SLC25A53: variants seen among roughly 807,000 people sequenced by gnomAD.
SLC25A53 encodes the protein mitochondrial carrier triple repeat protein 6.
A neutral mutation model predicts 15.0 loss-of-function variants in SLC25A53; 5 were observed. The observed-to-expected ratio is 0.33, with a 90% CI of 0.17 to 0.70. The LOEUF (loss-of-function observed/expected upper bound fraction) is 0.70. Ranked by LOEUF, SLC25A53 falls within the 30% of genes least tolerant of loss-of-function variation. The pLI is 0.67. For missense variants in SLC25A53, 216 were observed against 241.6 expected, an observed-to-expected ratio of 0.89 and a Z score of 0.70; for synonymous variants, 95 against 100.0, an observed-to-expected ratio of 0.95 and a Z score of 0.30.
intron 1 of SLC25A53, among the ~76,000 whole-genome samples, chrX:104,156,235 A>T (rs1217077364): frequency 1.8e-5 from 2 of 111,107 alleles, no homozygotes; most frequent in African/African-American, 6.6e-5. Context: ...TCACCGCATC[A>T]AAGAGCCGTC....
chrX:104,115,350 C>A (rs782256267), intron 1 of SLC25A53: 52 of 1,114,614 alleles, frequency 4.7e-5, no homozygotes, highest in Non-Finnish European at 5.9e-5. Context: ...TAAATGAGTC[C>A]TTGACTGTAT....
At chrX:104,114,289 A>T (rs2075365005) in intron 1 of SLC25A53, 2 of 1,208,792 alleles carry the variant, frequency 1.7e-6, no homozygotes, top group African/African-American at 3.5e-5. Context: ...GGGGAAAGAA[A>T]CCTTTGAAAA....
intron 1 of SLC25A53, among the ~76,000 whole-genome samples, chrX:104,111,960 A>C (rs1161629875): frequency 2.7e-5 from 3 of 111,724 alleles, no homozygotes; most frequent in African/African-American, 9.8e-5. Context: ...GAGTGCTGGC[A>C]AGGGGCAGCC....
intron 1 of SLC25A53, chrX:104,114,887 C>T (rs2075369690): frequency 8.3e-7 from 1 of 1,202,451 alleles, no homozygotes; most frequent in Non-Finnish European, 1.1e-6. Flanking sequence ...ATCAGCAGTG[C>T]TGACTGTAAC....
At chrX:104,114,160 C>G in intron 1 of SLC25A53, 1 of 1,209,970 alleles carries the variant, frequency 8.3e-7, no homozygotes, top group Non-Finnish European at 1.1e-6. Flanking sequence ...GCAGAATGCA[C>G]CTTTGCCGCC....
intron 1 of SLC25A53, among the ~76,000 whole-genome samples, chrX:104,129,377 A>G (rs2075419266): frequency 9.0e-6 from 1 of 111,514 alleles, no homozygotes; most frequent in South Asian, 3.7e-4. Flanking sequence ...TATCTAACAC[A>G]TGTATTTTCC....
At position 104,102,955 on chromosome X, in the gene SLC25A53, T is replaced by G. The variant is rs1569458589; in HGVS notation, c.*1379A>C. ...GAGTTCGAGACCAGCCTGACCAACATGGAGAGACCCCATCTCTACTAAAAA... is the reference window on the plus strand; with the variant it reads ...GAGTTCGAGACCAGCCTGACCAACAGGGAGAGACCCCATCTCTACTAAAAA... On this transcript the variant is annotated 3_prime_UTR_variant, in exon 2 of 2. Transcript: ENST00000594199. 9.1e-6 allele frequency: 1 copy of G among 109,870 alleles called. No individual in the cohort carries two copies. Among genetic ancestry groups the G allele is most frequent in the Non-Finnish European group, 1.9e-5 (1 of 52,715 alleles). The allele number at this position is 109,870 out of a possible 1,213,427, so 9.1% of individuals were successfully genotyped here.
chrX:104,104,395 G>A lies in SLC25A53; in HGVS notation c.863C>T (p.Thr288Met), dbSNP rs1166172920. Residue 288 changes from threonine (T) to methionine (M), a missense_variant, in exon 2 of 2, where the codon ACG (threonine) becomes ATG (methionine). By Grantham distance (81) the Thr-to-Met change is moderately conservative. Transcript: ENST00000594199. ...CCTCTGCAGGAAGTCATGGATTGCCGTAGTGAGGCCCCATGTCACACTGGA... is the reference window on the plus strand; with the variant it reads ...CCTCTGCAGGAAGTCATGGATTGCCATAGTGAGGCCCCATGTCACACTGGA... ...LRSSVTWGLT[T>M]AIHDFLQRKS... 25 of 1,209,861 alleles carry A rather than the reference G, an allele frequency of 2.1e-5. No individual in the cohort carries two copies. The highest frequency in any genetic ancestry group is 3.5e-5 in the African/African-American group (2 of 57,151).
intron 1 of SLC25A53, among the ~76,000 whole-genome samples, chrX:104,126,698 T>C (rs1381537184): frequency 9.0e-6 from 1 of 111,302 alleles, no homozygotes; most frequent in Non-Finnish European, 1.9e-5. Flanking sequence ...AGCATGAACA[T>C]GAATAGAATT....
intron 1 of SLC25A53, among the ~76,000 whole-genome samples, chrX:104,127,028 T>C (rs1457102531): frequency 1.8e-5 from 2 of 112,386 alleles, no homozygotes; most frequent in African/African-American, 3.2e-5. Flanking sequence ...TGAAAACTTA[T>C]AGTCACACAA....
chrX:104,112,266 G>A (rs1280050516), intron 1 of SLC25A53: 1 of 112,974 alleles, frequency 8.9e-6, no homozygotes, highest in Non-Finnish European at 1.9e-5. Flanking sequence ...GGAGAGCCGA[G>A]GTGTAAGGGG....
chrX:104,139,150 T>C (rs2075444481), intron 1 of SLC25A53, among the ~76,000 whole-genome samples: 1 of 112,492 alleles, frequency 8.9e-6, no homozygotes, highest in African/African-American at 3.2e-5. Context: ...CCTTTCCCCT[T>C]CCCTATCAGT....
At chrX:104,142,920 C>CA (rs1216011123) in intron 1 of SLC25A53, among the ~76,000 whole-genome samples, 338 of 33,568 alleles carry the variant, frequency 0.01, 2 homozygotes, top group Middle Eastern at 0.03. Context: ...GACTCCATCT[C>CA]AAAAAAAAAA....
At chrX:104,124,213 C>T (rs936184320) in intron 1 of SLC25A53, among the ~76,000 whole-genome samples, 3 of 111,868 alleles carry the variant, frequency 2.7e-5, no homozygotes, top group Middle Eastern at 4.7e-3. Flanking sequence ...TCCACAGCCT[C>T]GCCAGCATGT....
intron 1 of SLC25A53, among the ~76,000 whole-genome samples, chrX:104,136,528 G>A (rs1362911332): frequency 1.8e-5 from 2 of 111,867 alleles, no homozygotes; most frequent in African/African-American, 3.3e-5. Flanking sequence ...AATCTGACGT[G>A]GACAGGAACA....
intron 1 of SLC25A53, among the ~76,000 whole-genome samples, chrX:104,134,953 T>G (rs1602500279): frequency 9.0e-6 from 1 of 110,949 alleles, no homozygotes. Context: ...GAATGGACTT[T>G]CTGGGCTCAT....
chrX:104,156,354 C>G (rs1223912416), intron 1 of SLC25A53, among the ~76,000 whole-genome samples: 1 of 111,499 alleles, frequency 9.0e-6, no homozygotes, highest in Non-Finnish European at 1.9e-5. Context: ...ATGCAGATAG[C>G]AACCGGCAGG....
At chrX:104,127,960 T>A (rs1602498112) in intron 1 of SLC25A53, among the ~76,000 whole-genome samples, 1 of 110,120 alleles carries the variant, frequency 9.1e-6, no homozygotes, top group Non-Finnish European at 1.9e-5. Flanking sequence ...CTAGACTCTG[T>A]CTCAAAAAAA....
chrX:104,129,105 C>G (rs1556364975), intron 1 of SLC25A53, among the ~76,000 whole-genome samples: 1 of 111,835 alleles, frequency 8.9e-6, no homozygotes, highest in African/African-American at 3.2e-5. Flanking sequence ...CCATAAATTT[C>G]TTTGGTTTTC....
Sources: allele counts gnomAD v4.1 joint callset (sites outside exome capture counted in the v4.1 genomes callset), GRCh38; gene constraint gnomAD v4.1.1; transcripts MANE v1.5; gene names NCBI Gene and HGNC (gene_info 2026-07-23, HGNC 2026-07-21).